The following FER variants were observed in gnomAD, a reference collection of about 807,000 sequenced individuals.
FER encodes FER tyrosine kinase.
FER carries 63 observed loss-of-function variants against 111.0 expected under a neutral mutation model. That is an observed-to-expected ratio of 0.57 (90% CI 0.46 to 0.70). FER has a LOEUF of 0.70. Ranked by LOEUF, FER falls within the 30% of genes least tolerant of loss-of-function variation. The pLI is 0.00. For missense variants in FER, 914 were observed against 954.0 expected, an observed-to-expected ratio of 0.96 and a Z score of 0.55; for synonymous variants, 327 against 313.9, an observed-to-expected ratio of 1.04 and a Z score of -0.44.
intron 16 of FER, among the ~76,000 whole-genome samples, chr5:109,094,549 A>G (rs1747239942): frequency 6.6e-6 from 1 of 152,136 alleles, no homozygotes; most frequent in East Asian, 1.9e-4. Flanking sequence ...ACCTTAGAAC[A>G]GTGGTTGACA....
At chr5:108,844,047 T>TGTGTGTGAACATATATGCGTGTGAAC (rs1561499909) in intron 5 of FER, among the ~76,000 whole-genome samples, 23 of 98,348 alleles carry the variant, frequency 2.3e-4, no homozygotes, top group African/African-American at 7.8e-4. Flanking sequence ...TGAACATATA[T>TGTGTGTGAACATATATGCGTGTGAAC]ATGTGTGTGA....
intron 1 of FER, among the ~76,000 whole-genome samples, chr5:108,753,311 G>A (rs928582112): frequency 6.6e-6 from 1 of 152,006 alleles, no homozygotes; most frequent in African/African-American, 2.4e-5. Flanking sequence ...ATTTACTTAA[G>A]TTGAATGACA....
intron 13 of FER, among the ~76,000 whole-genome samples, chr5:108,993,060 C>A (rs2149754080): frequency 6.7e-6 from 1 of 149,712 alleles, no homozygotes; most frequent in African/African-American, 2.5e-5. Context: ...CCAGACTGGG[C>A]AGCCAGGCAG....
chr5:109,066,903 A>G (rs1014653248), intron 16 of FER, among the ~76,000 whole-genome samples: 13 of 152,178 alleles, frequency 8.5e-5, no homozygotes, highest in Non-Finnish European at 1.6e-4. Flanking sequence ...AAAAAAAGTG[A>G]TCAGAGGGAT....
At chr5:108,862,217 C>T (rs571362891) in intron 5 of FER, among the ~76,000 whole-genome samples, 55 of 152,158 alleles carry the variant, frequency 3.6e-4, no homozygotes, top group African/African-American at 1.3e-3. Flanking sequence ...CATTGGTAAG[C>T]TGTTGGTGAT....
At chr5:109,001,306 C>T (rs1764733105) in intron 13 of FER, among the ~76,000 whole-genome samples, 1 of 152,172 alleles carries the variant, frequency 6.6e-6, no homozygotes, top group African/African-American at 2.4e-5. Context: ...GGCTTCTTCC[C>T]TGGGATGCAA....
intron 2 of FER, among the ~76,000 whole-genome samples, chr5:108,796,277 A>C (rs1580585485): frequency 6.6e-6 from 1 of 152,162 alleles, no homozygotes; most frequent in Non-Finnish European, 1.5e-5. Context: ...GGGGTGACAC[A>C]GTCACCCATG....
intron 2 of FER, among the ~76,000 whole-genome samples, chr5:108,789,928 A>G (rs1034631617): frequency 6.6e-6 from 1 of 152,198 alleles, no homozygotes; most frequent in Non-Finnish European, 1.5e-5. Context: ...TTGATGAGAG[A>G]AAGGTAAACA....
At chr5:108,837,305 C>G (rs1322396071) in intron 5 of FER, among the ~76,000 whole-genome samples, 1 of 152,144 alleles carries the variant, frequency 6.6e-6, no homozygotes, top group Non-Finnish European at 1.5e-5. Flanking sequence ...ATTCAAGGAG[C>G]TTACAGTCTG....
intron 13 of FER, among the ~76,000 whole-genome samples, chr5:109,027,427 T>C (rs1209940549): frequency 6.6e-6 from 1 of 152,180 alleles, no homozygotes; most frequent in African/African-American, 2.4e-5. Context: ...TGGGGAGATA[T>C]ATAGGAATAG....
At chr5:108,800,874 G>T (rs1444195583) in intron 3 of FER, among the ~76,000 whole-genome samples, 1 of 151,804 alleles carries the variant, frequency 6.6e-6, no homozygotes, top group Non-Finnish European at 1.5e-5. Flanking sequence ...GTGAAACCTC[G>T]TCTCTACCAA....
intron 2 of FER, among the ~76,000 whole-genome samples, chr5:108,771,890 G>A (rs1418060126): frequency 6.6e-6 from 1 of 152,094 alleles, no homozygotes; most frequent in African/African-American, 2.4e-5. Context: ...CATTAAGAAT[G>A]TATTTGTCTT....
chr5:109,089,586 G>A (rs1241876574), intron 16 of FER, among the ~76,000 whole-genome samples: 2 of 152,102 alleles, frequency 1.3e-5, no homozygotes, highest in Admixed American at 6.6e-5. Context: ...GCAATGTATG[G>A]ATTAAAATAC....
chr5:108,751,350 A>C (rs1750486123), intron 1 of FER, among the ~76,000 whole-genome samples: 1 of 152,106 alleles, frequency 6.6e-6, no homozygotes, highest in South Asian at 2.1e-4. Flanking sequence ...ATACTAACTT[A>C]ATTACATGAG....
At chr5:109,102,915 A>G (rs1180026181) in intron 17 of FER, among the ~76,000 whole-genome samples, 2 of 152,116 alleles carry the variant, frequency 1.3e-5, no homozygotes, top group African/African-American at 2.4e-5. Context: ...GCCAGCCTAC[A>G]TAGTTCTTTC....
chr5:108,804,947 G>T (rs1224308726), intron 3 of FER, among the ~76,000 whole-genome samples: 1 of 150,538 alleles, frequency 6.6e-6, no homozygotes, highest in African/African-American at 2.5e-5. Context: ...GTAGAATTTG[G>T]CTGTGAATCC....
At chr5:108,971,710 T>G (rs1760689672) in intron 13 of FER, among the ~76,000 whole-genome samples, 1 of 152,126 alleles carries the variant, frequency 6.6e-6, no homozygotes, top group African/African-American at 2.4e-5. Flanking sequence ...TTCCCCCTAT[T>G]TTCAATTTTT....
chr5:109,139,613 C>G (rs780023115), intron 17 of FER, among the ~76,000 whole-genome samples: 1 of 151,654 alleles, frequency 6.6e-6, no homozygotes, highest in Non-Finnish European at 1.5e-5. Flanking sequence ...ACTTTTTTGC[C>G]CATTAAGATT....
intron 3 of FER, among the ~76,000 whole-genome samples, chr5:108,812,340 CTG>C (rs1757849947): frequency 6.6e-6 from 1 of 152,124 alleles, no homozygotes; most frequent in Non-Finnish European, 1.5e-5. Flanking sequence ...TAACTTAACT[CTG>C]GTAACATTCT....
Sources: allele counts gnomAD v4.1 joint callset (sites outside exome capture counted in the v4.1 genomes callset), GRCh38; gene constraint gnomAD v4.1.1; transcripts MANE v1.5; gene names NCBI Gene and HGNC (gene_info 2026-07-23, HGNC 2026-07-21).